CCDC171: variants seen among roughly 807,000 people sequenced by gnomAD.
The protein encoded by CCDC171 is coiled-coil domain containing 171.
In CCDC171, 177 loss-of-function variants were observed where a neutral mutation model predicts 168.2. The observed-to-expected ratio is 1.05, with a 90% CI of 0.93 to 1.19. The LOEUF is 1.19. CCDC171 is among the 50% of genes most tolerant of loss of function. The pLI is 0.00. For missense variants in CCDC171, 1,991 were observed against 1,539.0 expected (o/e 1.29, Z -4.91); for synonymous variants, 687 against 540.8 (o/e 1.27, Z -3.75).
At position 15,908,414 on chromosome 9, in the gene CCDC171, A is replaced by G. The variant is rs3008704; in HGVS notation, c.3601-11856A>G. 1.3e-4 allele frequency among the ~76,000 whole-genome samples: 20 copies of G among 151,230 alleles called. No homozygotes were observed. In the East Asian group the frequency reaches 1.4e-3, roughly 10 times the overall value. On this transcript the variant is annotated intron_variant, in intron 24 of 25. Transcript: ENST00000380701. ...GCCAACTATCACAAGGAGAAAAAAC[A>G]AAACACTGCATGTTCTCACTCATAG...
At chr9:15,597,403 T>TC (rs2042455366) in intron 6 of CCDC171, among the ~76,000 whole-genome samples, 2 of 152,164 alleles carry the variant, frequency 1.3e-5, no homozygotes, top group South Asian at 2.1e-4. Flanking sequence ...ATTGAGATAA[T>TC]ATGTGGTTTT....
chr9:15,852,063 T>C (rs763748947), intron 23 of CCDC171, among the ~76,000 whole-genome samples: 35 of 151,876 alleles, frequency 2.3e-4, no homozygotes, highest in Non-Finnish European at 3.5e-4. Context: ...AAAATTTTTG[T>C]TTGAAGGTCT....
the CCDC171 span, among the ~76,000 whole-genome samples, chr9:16,076,302 C>G: frequency 6.6e-6 from 1 of 152,218 alleles, no homozygotes; most frequent in Non-Finnish European, 1.5e-5. Flanking sequence ...TCAACCTGTA[C>G]TCCATCCATG....
intron 2 of CCDC171, among the ~76,000 whole-genome samples, chr9:15,567,951 C>T (rs936967922): frequency 2.0e-5 from 3 of 149,454 alleles, no homozygotes; most frequent in Non-Finnish European, 4.5e-5. Context: ...CATCCCTGGC[C>T]TTGCATTTCT....
intron 25 of CCDC171, among the ~76,000 whole-genome samples, chr9:15,950,738 A>G (rs1388086284): frequency 6.6e-6 from 1 of 152,116 alleles, no homozygotes; most frequent in Non-Finnish European, 1.5e-5. Context: ...TAACCAGCTA[A>G]CATCATAATG....
chr9:15,664,311 C>T (rs1001015049), intron 8 of CCDC171, among the ~76,000 whole-genome samples: 28 of 152,160 alleles, frequency 1.8e-4, no homozygotes, highest in East Asian at 5.8e-4. Context: ...TGCAGTGGTG[C>T]GATCTTGGCT....
At position 15,905,648 on chromosome 9, in the gene CCDC171, C is replaced by A. The variant is rs1350975285; in HGVS notation, c.3601-14622C>A. The stretch of plus-strand genomic sequence containing the variant: ...AAGAGCAAACACATTCAAAAGCTAG[C>A]AGAAGGCAAGAAAAAACTAAGATCA... On this transcript the variant is annotated intron_variant, in intron 24 of 25. Coordinates refer to ENST00000380701, the MANE Select transcript of CCDC171 (RefSeq NM_173550.4). Among the ~76,000 whole-genome samples, 13 of 152,002 alleles carry A rather than the reference C, an allele frequency of 8.6e-5. No individual in the cohort carries two copies. In the South Asian group the frequency reaches 2.5e-3, roughly 29 times the overall value.
At chr9:15,599,034 A>T (rs190203238) in intron 6 of CCDC171, among the ~76,000 whole-genome samples, 9 of 152,014 alleles carry the variant, frequency 5.9e-5, no homozygotes, top group Non-Finnish European at 1.0e-4. Flanking sequence ...TTTTGAGCCT[A>T]TGTGTGTCTC....
At chr9:15,606,427 G>T (rs1383965714) in intron 6 of CCDC171, among the ~76,000 whole-genome samples, 2 of 152,102 alleles carry the variant, frequency 1.3e-5, no homozygotes, top group African/African-American at 2.4e-5. Context: ...GTTATACAAA[G>T]CACCAGTTTA....
intron 4 of CCDC171, among the ~76,000 whole-genome samples, chr9:15,579,442 T>C (rs1007564408): frequency 6.6e-6 from 1 of 152,168 alleles, no homozygotes; most frequent in African/African-American, 2.4e-5. Context: ...TTTTGCCAGG[T>C]TTAGAAATCA....
chr9:16,078,909 A>G, the CCDC171 span, among the ~76,000 whole-genome samples: 1 of 152,170 alleles, frequency 6.6e-6, no homozygotes, highest in Non-Finnish European at 1.5e-5. Context: ...AGCAGAAAGA[A>G]TGCTGAATCA....
At chr9:15,902,713 A>G (rs1821883740) in intron 24 of CCDC171, among the ~76,000 whole-genome samples, 1 of 152,228 alleles carries the variant, frequency 6.6e-6, no homozygotes, top group Non-Finnish European at 1.5e-5. Flanking sequence ...CGCACCGAGC[A>G]TGAGCTGAAG....
At chr9:15,694,036 A>T (rs767491061) in intron 10 of CCDC171, among the ~76,000 whole-genome samples, 5 of 152,244 alleles carry the variant, frequency 3.3e-5, no homozygotes, top group East Asian at 1.9e-4. Context: ...AACCCAGGAG[A>T]CACTTTTTAG....
intron 21 of CCDC171, among the ~76,000 whole-genome samples, chr9:15,842,747 G>A (rs2060734113): frequency 1.3e-5 from 2 of 151,702 alleles, no homozygotes; most frequent in South Asian, 4.2e-4. Flanking sequence ...TGCACAAAAT[G>A]TTTTCATAGG....
chr9:15,994,994 G>A (rs1050703260), intron 3 of CCDC171, among the ~76,000 whole-genome samples: 1 of 152,176 alleles, frequency 6.6e-6, no homozygotes, highest in Non-Finnish European at 1.5e-5. Flanking sequence ...ACAGGCCAGA[G>A]GTTGTGCCAG....
At chr9:15,756,052 C>T (rs534450106) in intron 18 of CCDC171, among the ~76,000 whole-genome samples, 3 of 152,228 alleles carry the variant, frequency 2.0e-5, no homozygotes, top group Non-Finnish European at 2.9e-5. Context: ...CATAAGCTTA[C>T]CCAGCAGTTT....
intron 24 of CCDC171, among the ~76,000 whole-genome samples, chr9:15,903,419 C>T (rs541292917): frequency 1.3e-5 from 2 of 152,190 alleles, no homozygotes; most frequent in Non-Finnish European, 2.9e-5. Context: ...CCCAGGCAAA[C>T]AGGATCTGGA....
chr9:16,036,037 T>C (rs1418711804), intron 7 of CCDC171: 3 of 152,202 alleles, frequency 2.0e-5, no homozygotes, highest in African/African-American at 4.8e-5. Flanking sequence ...AGAAAAGTTA[T>C]TGGTTTCAGG....
At chr9:15,581,787 G>C (rs923154863) in intron 4 of CCDC171, among the ~76,000 whole-genome samples, 2 of 151,990 alleles carry the variant, frequency 1.3e-5, no homozygotes, top group African/African-American at 2.4e-5. Flanking sequence ...AACTCAAGAT[G>C]GATTAAAGAC....
Sources: gnomAD v4.1 joint callset for allele counts (sites outside exome capture counted in the v4.1 genomes callset) on GRCh38, gnomAD v4.1.1 for gene constraint, MANE v1.5 for transcripts, NCBI Gene and HGNC (gene_info 2026-07-23, HGNC 2026-07-21) for gene names.